The following ALG1 variants were observed in gnomAD, a reference collection of about 807,000 sequenced individuals.
ALG1 encodes ALG1 chitobiosyldiphosphodolichol beta-mannosyltransferase, also known as chitobiosyldiphosphodolichol beta-mannosyltransferase.
A neutral mutation model predicts 55.1 loss-of-function variants in ALG1; 58 were observed. The ratio of observed to expected loss-of-function variants is 1.05; its 90% CI spans 0.85 to 1.31. The LOEUF is 1.31. ALG1 is among the 50% of genes most tolerant of loss of function. ALG1 has a pLI of 0.00. For synonymous variants in ALG1, 309 were observed against 247.0 expected, an observed-to-expected ratio of 1.25 and a Z score of -2.35; for missense variants, 761 against 598.6, an observed-to-expected ratio of 1.27 and a Z score of -2.83.
chr16:5,086,102 A>G lies in ALG1; in HGVS notation c.*1221A>G, dbSNP rs1957154006. 1.3e-5 allele frequency among the ~76,000 whole-genome samples: 2 copies of G among 152,188 alleles called. No homozygotes were observed. The highest frequency in any genetic ancestry group is 2.4e-5 in the African/African-American group (1 of 41,464). On this transcript the variant is annotated 3_prime_UTR_variant, in exon 13 of 13. Transcript: ENST00000262374. ...TGTAATCCCAACACTTTGGGAGGCC[A>G]AGGCGGGCGGATCACTTGAGGTCAG...
rs776753482 is a variant in ALG1 at position 5,075,519 on chromosome 16, C to T, written c.522C>T (p.Leu174=). The T allele has an allele frequency of 2.8e-5, 45 of 1,614,038 alleles. No homozygotes were observed. In the Admixed American group the frequency reaches 5.5e-4, roughly 20 times the overall value. ...MGLVHGPNHP[L]VLLAKWYEKF... ...TGGTGCATGGCCCCAACCATCCCCT[C>T]GTTCTGCTGGCCAAGTGGTGAGAGT... Residue 174 remains leucine (L), a synonymous_variant, in exon 4 of 13, where the codon CTC becomes CTT. Transcript: ENST00000262374.
rs1957142709 is a variant in ALG1 at position 5,085,821 on chromosome 16, G to A, written c.*940G>A. 1.2e-5 allele frequency: 12 copies of A among 999,786 alleles called. No individual in the cohort carries two copies. Among genetic ancestry groups the A allele is most frequent in the South Asian group, 5.1e-5 (4 of 78,724 alleles). The allele number at this position is 999,786 out of a possible 1,614,324, so 61.9% of individuals were successfully genotyped here. A position where few individuals can be genotyped will look rare whatever the true frequency, so the allele number is the denominator to read the frequency against. ...GTGGGGCTGCTAGGACAGGCCTGGC[G>A]GGGTAGGGGGGTGTCCAAGTCAGTT... On this transcript the variant is annotated 3_prime_UTR_variant, in exon 13 of 13. Transcript: ENST00000262374.
At chr16:5,077,125 T>C (rs1349060359) in intron 4 of ALG1, among the ~76,000 whole-genome samples, 1 of 152,182 alleles carries the variant, frequency 6.6e-6, no homozygotes, top group African/African-American at 2.4e-5. Context: ...GATGTTCACT[T>C]TGGCAGTGAT....
intron 5 of ALG1, 83 bp downstream of exon 5, chr16:5,077,617 C>T (rs911624981): frequency 4.5e-5 from 63 of 1,408,362 alleles, no homozygotes; most frequent in Middle Eastern, 1.9e-4. Context: ...TGCCTGCTGC[C>T]GTCCTGCTGA....
At chr16:5,073,359 T>C (rs1956853069) in intron 3 of ALG1, 103 bp downstream of exon 3, 1 of 1,042,922 alleles carries the variant, frequency 9.6e-7, no homozygotes, top group Non-Finnish European at 1.5e-6. Context: ...GTGTGTTGTG[T>C]GTATGGGCGT....
At chr16:5,083,874 A>G in intron 12 of ALG1, 117 bp downstream of exon 12, 3 of 1,492,220 alleles carry the variant, frequency 2.0e-6, no homozygotes, top group Non-Finnish European at 2.7e-6. Context: ...TCTGGCGGAA[A>G]AGCTAGGGAG....
chr16:5,079,068 C>T lies in ALG1; in HGVS notation c.867C>T (p.Asp289=), dbSNP rs144029725. ...LLVSSTSWTE[D]EDFSILLAAL... Reference sequence around the variant, plus strand: ...CATTCAATTCTCTTCTCATAGAGGACGAAGACTTCTCCATCCTGCTGGCAG... The same window carrying T: ...CATTCAATTCTCTTCTCATAGAGGATGAAGACTTCTCCATCCTGCTGGCAG... The change falls in exon 8 of 13, where the codon GAC becomes GAT. Residue 289 remains aspartate, a synonymous_variant. Transcript: ENST00000262374. The T allele has an allele frequency of 5.0e-4, 796 of 1,600,082 alleles. 4 individuals are homozygous for T. The African/African-American group carries it at 8.2e-3, about 16-fold the overall frequency.
chr16:5,072,047 G>A lies in ALG1; in HGVS notation c.198G>A (p.Leu66=), dbSNP rs1420792500. The part of the protein sequence containing the change: ...LAMHGFSVTL[L]GFCNSKPHDE... ...TGCACGGCTTCTCGGTGACCCTCCTGGGGTTCTGCAGTGAGTGGCCAAGGG... is the reference window on the plus strand; with the variant it reads ...TGCACGGCTTCTCGGTGACCCTCCTAGGGTTCTGCAGTGAGTGGCCAAGGG... Residue 66 remains leucine (L), a synonymous_variant, in exon 1 of 13, where the codon CTG becomes CTA. Transcript: ENST00000262374. The A allele has an allele frequency of 1.3e-6, 2 of 1,581,088 alleles. No individual in the cohort carries two copies. The highest frequency in any genetic ancestry group is 1.2e-5 in the South Asian group (1 of 86,906).
chr16:5,074,612 C>G (rs976641617), intron 3 of ALG1, among the ~76,000 whole-genome samples: 22 of 152,158 alleles, frequency 1.4e-4, no homozygotes, highest in African/African-American at 4.8e-4. Flanking sequence ...TTGTATAAGT[C>G]CAGTTTCTTT....
intron 4 of ALG1, among the ~76,000 whole-genome samples, chr16:5,077,151 A>G (rs983930530): frequency 6.6e-6 from 1 of 151,956 alleles, no homozygotes; most frequent in African/African-American, 2.4e-5. Context: ...GTGTCCTTCT[A>G]TTTATTTTTT....
At chr16:5,081,764 G>A (rs1377224561) in intron 10 of ALG1, among the ~76,000 whole-genome samples, 1 of 152,032 alleles carries the variant, frequency 6.6e-6, no homozygotes, top group African/African-American at 2.4e-5. Context: ...GTTTCACCAT[G>A]TTGGCCAGGC....
chr16:5,079,810 A>T lies in ALG1; in HGVS notation c.961+3A>T. On this transcript the variant is annotated splice_donor_region_variant and intron_variant, in intron 9 of 12. Coordinates refer to ENST00000262374, the MANE Select transcript of ALG1 (RefSeq NM_019109.5). ...TTCTCTCGTCTGTGTGATAACAGGT[A>T]CTGCCTGGGACCCTGGGTGTCTGTT... 6.2e-7 allele frequency: 1 copy of T among 1,611,524 alleles called. No individual in the cohort carries two copies. Among genetic ancestry groups the T allele is most frequent in the Non-Finnish European group, 8.5e-7 (1 of 1,179,538 alleles).
At chr16:5,076,986 G>C (rs1023889301) in intron 4 of ALG1, among the ~76,000 whole-genome samples, 1 of 151,746 alleles carries the variant, frequency 6.6e-6, no homozygotes, top group Non-Finnish European at 1.5e-5. Flanking sequence ...GTAGAGACAG[G>C]GTTTCACCAC....
At position 5,075,552 on chromosome 16, in the gene ALG1, G is replaced by A. The variant is rs189715949; in HGVS notation, c.539+16G>A. On this transcript the variant is annotated intron_variant, in intron 4 of 12. Coordinates refer to ENST00000262374, the MANE Select transcript of ALG1 (RefSeq NM_019109.5). ...TGGCCAAGTGGTGAGAGTCTAGGAA[G>A]AGGGTAAAATACCGTCCCCTAAACC... is the stretch of plus-strand genomic sequence containing the variant. 5.6e-4 allele frequency: 905 copies of A among 1,613,854 alleles called. 12 individuals carry two copies. The African/African-American group carries it at 0.01, about 18-fold the overall frequency.
chr16:5,072,048 G>A lies in ALG1; in HGVS notation c.199G>A (p.Gly67Arg), dbSNP rs756778498. Residue 67 changes from glycine to arginine, a missense_variant, in exon 1 of 13, where the codon GGG becomes AGG. By Grantham distance (125) the Gly-to-Arg change is moderately radical. Coordinates refer to ENST00000262374, the MANE Select transcript of ALG1 (RefSeq NM_019109.5). ...AMHGFSVTLL[G>R]FCNSKPHDEL... ...GCACGGCTTCTCGGTGACCCTCCTG[G>A]GGTTCTGCAGTGAGTGGCCAAGGGT... 6.3e-7 allele frequency: 1 copy of A among 1,578,414 alleles called. No homozygotes were observed. The highest frequency in any genetic ancestry group is 8.6e-7 in the Non-Finnish European group (1 of 1,162,614).
At chr16:5,079,547 G>T (rs751934917) in intron 8 of ALG1, among the ~76,000 whole-genome samples, 1 of 152,172 alleles carries the variant, frequency 6.6e-6, no homozygotes, top group African/African-American at 2.4e-5. Context: ...AAATTAGCTA[G>T]GTATGGTGGT....
At chr16:5,073,051 A>T in intron 2 of ALG1, 23 bp downstream of exon 2, 1 of 1,613,392 alleles carries the variant, frequency 6.2e-7, no homozygotes, top group Non-Finnish European at 8.5e-7. Context: ...CAACTCCAGA[A>T]TCCTCTGAAT....
Position 5,084,925 on chromosome 16 carries a change from C to G in ALG1, c.*44C>G, listed in dbSNP as rs2142733364. On this transcript the variant is annotated 3_prime_UTR_variant, in exon 13 of 13. Coordinates refer to ENST00000262374, the MANE Select transcript of ALG1 (RefSeq NM_019109.5). ...AAACCCCAGGACCCCTGCTGTCCTT[C>G]CCGCAGCTTCTTCTTGGAGTCTCAG... 6.3e-7 allele frequency: 1 copy of G among 1,596,344 alleles called. No individual in the cohort carries two copies. The highest frequency in any genetic ancestry group is 2.2e-5 in the East Asian group (1 of 44,868).
chr16:5,072,291 C>G (rs1169544817), intron 1 of ALG1: 5 of 1,434,352 alleles, frequency 3.5e-6, no homozygotes, highest in Admixed American at 2.7e-5. Flanking sequence ...CGTGGTCTCA[C>G]GTAATTCTCC....
Sources: allele counts gnomAD v4.1 joint callset (sites outside exome capture counted in the v4.1 genomes callset), GRCh38; gene constraint gnomAD v4.1.1; transcripts MANE v1.5; gene names NCBI Gene and HGNC (gene_info 2026-07-23, HGNC 2026-07-21).